Variants in STAU2 observed in about 807,000 individuals in gnomAD.
The protein encoded by STAU2 is double-stranded RNA-binding protein Staufen homolog 2.
A neutral mutation model predicts 65.9 loss-of-function variants in STAU2; 20 were observed. The ratio of observed to expected loss-of-function variants is 0.30; its 90% CI spans 0.21 to 0.44. The LOEUF (loss-of-function observed/expected upper bound fraction) is 0.44. Ranked by LOEUF, STAU2 falls within the 20% of genes least tolerant of loss-of-function variation. The pLI, the probability that STAU2 is intolerant of heterozygous loss-of-function variation, is 1.00. For missense variants in STAU2, 558 were observed against 683.9 expected, an observed-to-expected ratio of 0.82 and a Z score of 2.05; for synonymous variants, 232 against 233.9, an observed-to-expected ratio of 0.99 and a Z score of 0.07.
At chr8:73,552,441 AG>A (rs145502469) in intron 12 of STAU2, 122 bp from the exon 13 acceptor site, 26,984 of 854,402 alleles carry the variant, frequency 0.032, 549 homozygotes, top group South Asian at 0.043. Context: ...CTGCCAAACA[AG>A]TATCTTTGTC....
At chr8:73,553,476 T>C (rs80210995) in intron 12 of STAU2, among the ~76,000 whole-genome samples, 3,767 of 152,292 alleles carry the variant, frequency 0.025, 169 homozygotes, top group African/African-American at 0.084. Flanking sequence ...CAAATGCCTT[T>C]TGTGAAATTA....
rs536709982 is a variant in STAU2 at position 73,509,963 on chromosome 8, T to C, written c.1530+42049A>G. 3.3e-5 allele frequency among the ~76,000 whole-genome samples: 5 copies of C among 152,320 alleles called. No individual in the cohort carries two copies. In the South Asian group the frequency reaches 1.0e-3, roughly 32 times the overall value. On this transcript the variant is annotated intron_variant, in intron 13 of 14. Transcript: ENST00000524300. ...TTTTAAATTTCACAAAATTCTCAGGTAGTAAGCAAAGCATTAGAACAATAA... is the reference window on the plus strand; with the variant it reads ...TTTTAAATTTCACAAAATTCTCAGGCAGTAAGCAAAGCATTAGAACAATAA...
intron 2 of STAU2, among the ~76,000 whole-genome samples, chr8:73,738,941 T>C (rs986665079): frequency 1.3e-5 from 2 of 152,134 alleles, no homozygotes; most frequent in African/African-American, 2.4e-5. Context: ...AGTATAAAAA[T>C]AGTATGTATA....
At chr8:73,507,564 C>T (rs547512514) in intron 13 of STAU2, among the ~76,000 whole-genome samples, 2 of 152,270 alleles carry the variant, frequency 1.3e-5, no homozygotes, top group Non-Finnish European at 2.9e-5. Context: ...TAGCCTAATT[C>T]TTAAAGGCCC....
At chr8:73,699,604 C>A (rs1225490397) in intron 4 of STAU2, among the ~76,000 whole-genome samples, 3 of 151,928 alleles carry the variant, frequency 2.0e-5, no homozygotes, top group Admixed American at 6.5e-5. Flanking sequence ...ATACACCCTA[C>A]AAAGATTGAA....
chr8:73,513,911 C>A (rs972989510), intron 13 of STAU2, among the ~76,000 whole-genome samples: 2 of 152,124 alleles, frequency 1.3e-5, no homozygotes, highest in East Asian at 1.9e-4. Context: ...GATGGGAGCA[C>A]CCGCAGGCAG....
chr8:73,450,332 T>TTATG, intron 13 of STAU2, among the ~76,000 whole-genome samples: 1 of 152,214 alleles, frequency 6.6e-6, no homozygotes, highest in Middle Eastern at 3.2e-3. Flanking sequence ...CATTTTTATC[T>TTATG]TATGTAGTTT....
At chr8:73,567,118 T>C (rs1280940364) in intron 12 of STAU2, among the ~76,000 whole-genome samples, 2 of 152,138 alleles carry the variant, frequency 1.3e-5, no homozygotes, top group African/African-American at 2.4e-5. Context: ...AGATCATTAA[T>C]ACAGTGGGGA....
At chr8:73,473,522 G>A (rs185176593) in intron 13 of STAU2, among the ~76,000 whole-genome samples, 20 of 152,346 alleles carry the variant, frequency 1.3e-4, no homozygotes, top group East Asian at 1.2e-3. Flanking sequence ...CACACTGGGC[G>A]TTTTTGCAGA....
intron 6 of STAU2, among the ~76,000 whole-genome samples, chr8:73,665,010 T>C (rs1817126903): frequency 6.6e-6 from 1 of 152,056 alleles, no homozygotes; most frequent in Non-Finnish European, 1.5e-5. Flanking sequence ...AATAATAATT[T>C]TTATATCTGT....
intron 10 of STAU2, among the ~76,000 whole-genome samples, chr8:73,603,425 C>T (rs1811783676): frequency 1.3e-5 from 2 of 152,172 alleles, no homozygotes; most frequent in African/African-American, 2.4e-5. Flanking sequence ...CAGTAGTTAA[C>T]AGACTCCGGC....
At chr8:73,446,565 C>T (rs1160342170) in intron 13 of STAU2, among the ~76,000 whole-genome samples, 1 of 152,178 alleles carries the variant, frequency 6.6e-6, no homozygotes. Flanking sequence ...TTAATTATAT[C>T]TAAATGCAAG....
intron 3 of STAU2, among the ~76,000 whole-genome samples, chr8:73,714,130 C>T (rs1390920572): frequency 5.9e-5 from 9 of 151,890 alleles, no homozygotes; most frequent in African/African-American, 1.9e-4. Flanking sequence ...CTCGAACTCC[C>T]GACCTCAGGT....
Position 73,673,168 on chromosome 8 carries a change from C to G in STAU2, c.349G>C (p.Asp117His). The G allele has an allele frequency of 6.2e-7, 1 of 1,606,336 alleles. No individual in the cohort carries two copies. Among genetic ancestry groups the G allele is most frequent in the Non-Finnish European group, 8.5e-7 (1 of 1,175,368 alleles). The change falls in exon 6 of 15, where the codon GAT becomes CAT. Residue 117 changes from aspartate to histidine, a missense_variant. Asp to His is a moderately conservative substitution (Grantham distance 81). Coordinates refer to ENST00000524300, the MANE Select transcript of STAU2 (RefSeq NM_001164380.2). ...RGEPAIYRPL[D>H]PKPFPNYRAN... is the part of the protein sequence containing the mutation. ...CTATAATTTGGGAATGGCTTTGGAT[C>G]TAATGGCCTGTAGATGGCAGGCTCT...
intron 6 of STAU2, among the ~76,000 whole-genome samples, chr8:73,620,283 T>C (rs929691745): frequency 1.3e-5 from 2 of 152,208 alleles, no homozygotes; most frequent in African/African-American, 4.8e-5. Context: ...TGAAGTGAGA[T>C]CTCATATGGC....
intron 13 of STAU2, among the ~76,000 whole-genome samples, chr8:73,424,283 C>T (rs1816634025): frequency 6.7e-6 from 1 of 150,306 alleles, no homozygotes; most frequent in Non-Finnish European, 1.5e-5. Context: ...TCACTGCAAC[C>T]TCTGCCTCCT....
At chr8:73,564,116 G>A (rs1808432236) in intron 12 of STAU2, among the ~76,000 whole-genome samples, 1 of 152,032 alleles carries the variant, frequency 6.6e-6, no homozygotes, top group Admixed American at 6.6e-5. Context: ...CTTCTCCCTT[G>A]GGGTAAAGGT....
At chr8:73,484,718 T>C (rs1585854119) in intron 13 of STAU2, among the ~76,000 whole-genome samples, 1 of 152,152 alleles carries the variant, frequency 6.6e-6, no homozygotes, top group South Asian at 2.1e-4. Context: ...CTAGAAGAAA[T>C]GACCAGCCTG....
chr8:73,673,520 T>G (rs1817835283), intron 5 of STAU2, among the ~76,000 whole-genome samples: 1 of 152,146 alleles, frequency 6.6e-6, no homozygotes. Flanking sequence ...GATTCTTAGA[T>G]TGCTAACCGT....
Sources: gnomAD v4.1 joint callset for allele counts (sites outside exome capture counted in the v4.1 genomes callset) on GRCh38, gnomAD v4.1.1 for gene constraint, MANE v1.5 for transcripts, NCBI Gene and HGNC (gene_info 2026-07-23, HGNC 2026-07-21) for gene names.